ADGRL3: variants seen among roughly 807,000 people sequenced by gnomAD.
The protein encoded by ADGRL3 is adhesion G protein-coupled receptor L3.
A neutral mutation model predicts 153.5 loss-of-function variants in ADGRL3; 62 were observed. The observed-to-expected ratio is 0.40, with a 90% CI of 0.33 to 0.50. ADGRL3 has a LOEUF of 0.50. ADGRL3 is among the 20% of genes least tolerant of loss of function. The pLI is 0.47. For synonymous variants in ADGRL3, 710 were observed against 672.5 expected (o/e 1.06, Z -0.86); for missense variants, 1,641 against 1,859.4 (o/e 0.88, Z 2.16).
chr4:62,025,203 G>T (rs539403719), intron 21 of ADGRL3, among the ~76,000 whole-genome samples: 1 of 151,768 alleles, frequency 6.6e-6, no homozygotes, highest in East Asian at 1.9e-4. Flanking sequence ...TAAACCACTG[G>T]GTAGCAGATC....
Position 61,551,236 on chromosome 4 carries a change from A to T in ADGRL3, c.259+33718A>T, listed in dbSNP as rs543497114. On this transcript the variant is annotated intron_variant, in intron 4 of 26. Transcript: ENST00000683033. ...TACAGTAACTCCTTAAACACTTAAA[A>T]CTTAATTATTTAGCAACCTATTAAA... Among the ~76,000 whole-genome samples the T allele has an allele frequency of 2.6e-5, 4 of 152,198 alleles. No homozygotes were observed. In the East Asian group the frequency reaches 5.8e-4, roughly 22 times the overall value.
intron 3 of ADGRL3, among the ~76,000 whole-genome samples, chr4:61,503,010 G>T (rs972109564): frequency 5.3e-5 from 8 of 152,242 alleles, no homozygotes; most frequent in African/African-American, 1.7e-4. Context: ...GATATATGAG[G>T]TTACTGCTAA....
At chr4:61,475,623 A>C (rs1185321271) in intron 2 of ADGRL3, among the ~76,000 whole-genome samples, 2 of 152,034 alleles carry the variant, frequency 1.3e-5, no homozygotes, top group Non-Finnish European at 2.9e-5. Context: ...AATATATCTT[A>C]CATTTTCTTT....
chr4:61,291,042 TTGG>T (rs1161332814), intron 1 of ADGRL3, among the ~76,000 whole-genome samples: 1 of 151,974 alleles, frequency 6.6e-6, no homozygotes, highest in African/African-American at 2.4e-5. Context: ...AAGTTACAAA[TTGG>T]TGAAGGAAAG....
Position 62,073,608 on chromosome 4 carries a change from A to G in ADGRL3, c.*2700A>G, listed in dbSNP as rs1393106945. The G allele has an allele frequency of 1.3e-5, 2 of 152,244 alleles. No homozygotes were observed. Among genetic ancestry groups the G allele is most frequent in the East Asian group, 1.9e-4 (1 of 5,168 alleles). The allele number at this position is 152,244 out of a possible 1,614,324, so 9.4% of individuals were successfully genotyped here. On this transcript the variant is annotated 3_prime_UTR_variant, in exon 27 of 27. Coordinates refer to ENST00000683033, the MANE Select transcript of ADGRL3 (RefSeq NM_001387552.1). ...ACAGAAAAATGGGGAAACTACCTCA[A>G]TTCAGCTTGCTGATTTTCTGACATT... is the stretch of plus-strand genomic sequence containing the variant.
chr4:61,462,580 T>C, intron 2 of ADGRL3, among the ~76,000 whole-genome samples: 1 of 152,142 alleles, frequency 6.6e-6, no homozygotes. Context: ...ACTAAAGATA[T>C]GATGACTTGA....
intron 11 of ADGRL3, among the ~76,000 whole-genome samples, chr4:61,900,808 T>C (rs1183505049): frequency 6.6e-6 from 1 of 152,198 alleles, no homozygotes; most frequent in African/African-American, 2.4e-5. Context: ...GGAAGATAGA[T>C]ATATGTCTCC....
intron 23 of ADGRL3, among the ~76,000 whole-genome samples, chr4:62,031,956 TA>T (rs1722285663): frequency 7.3e-6 from 1 of 137,758 alleles, no homozygotes; most frequent in South Asian, 2.3e-4. Context: ...GCATGAGTTA[TA>T]CACACACACA....
intron 1 of ADGRL3, among the ~76,000 whole-genome samples, chr4:61,207,658 C>G (rs1399126393): frequency 2.0e-5 from 3 of 152,174 alleles, no homozygotes; most frequent in Admixed American, 2.0e-4. Context: ...AATTTACACT[C>G]CTACCAACAG....
intron 2 of ADGRL3, among the ~76,000 whole-genome samples, chr4:61,446,642 G>C (rs926255828): frequency 1.3e-5 from 2 of 152,086 alleles, no homozygotes; most frequent in Non-Finnish European, 2.9e-5. Flanking sequence ...ATAATATGTT[G>C]GTTGATCATA....
At chr4:61,752,494 C>T (rs1425834008) in intron 8 of ADGRL3, among the ~76,000 whole-genome samples, 1 of 149,368 alleles carries the variant, frequency 6.7e-6, no homozygotes, top group Non-Finnish European at 1.5e-5. Context: ...TCAGATTTCT[C>T]TGTGTTCCTT....
In ADGRL3 at chr4:61,886,998, C is replaced by G. The variant is rs557999972; in HGVS notation, c.1481-5658C>G. On this transcript the variant is annotated intron_variant, in intron 9 of 26. Coordinates refer to ENST00000683033, the MANE Select transcript of ADGRL3 (RefSeq NM_001387552.1). The stretch of plus-strand genomic sequence containing the variant: ...CATCAGTGAGACTATAGACACCCAC[C>G]ACCATGCTCTGGCTAATTTTATTTA... Among the ~76,000 whole-genome samples the G allele has an allele frequency of 2.6e-5, 4 of 151,606 alleles. No individual in the cohort carries two copies. The East Asian group carries it at 7.8e-4, about 29-fold the overall frequency.
At chr4:61,490,203 C>A (rs2098243077) in intron 2 of ADGRL3, among the ~76,000 whole-genome samples, 1 of 152,092 alleles carries the variant, frequency 6.6e-6, no homozygotes, top group Non-Finnish European at 1.5e-5. Flanking sequence ...AATTACCACT[C>A]TCACAGATCT....
Position 61,910,955 on chromosome 4 carries a change from A to AATTATT in ADGRL3, c.2073+1223_2073+1228dup. ...AGGTAAAGTTTTATTATTAGATATA[A>AATTATT]ATTATTATTATTATTATTTTTCATT... On this transcript the variant is annotated intron_variant, in intron 12 of 26. Transcript: ENST00000683033. Among the ~76,000 whole-genome samples, 2 of 151,628 alleles carry AATTATT rather than the reference A, an allele frequency of 1.3e-5. 1 individual carries two copies. Among genetic ancestry groups the AATTATT allele is most frequent in the South Asian group, 4.2e-4 (2 of 4,808 alleles).
chr4:61,964,029 G>A lies in ADGRL3; in HGVS notation c.2806-15534G>A, dbSNP rs548376990. ...CATAGATTATCTCATTTAATCCATA[G>A]CATCACAAAAGGTATTGTCATCACA... On this transcript the variant is annotated intron_variant, in intron 17 of 26. Coordinates refer to ENST00000683033, the MANE Select transcript of ADGRL3 (RefSeq NM_001387552.1). Among the ~76,000 whole-genome samples the A allele has an allele frequency of 2.6e-5, 4 of 152,246 alleles. No homozygotes were observed. In the East Asian group the frequency reaches 5.8e-4, roughly 22 times the overall value.
rs1389970810 is a variant in ADGRL3 at position 62,076,816 on chromosome 4, A to G, written c.*5908A>G. On this transcript the variant is annotated 3_prime_UTR_variant, in exon 27 of 27. Transcript: ENST00000683033. ...CTCTAATCTGCTGGCTCTATTGAACACCAACAGAGTTAATGCTTTTAGTAG... is the reference window on the plus strand; with the variant it reads ...CTCTAATCTGCTGGCTCTATTGAACGCCAACAGAGTTAATGCTTTTAGTAG... 1.3e-5 allele frequency: 2 copies of G among 151,850 alleles called. No individual in the cohort carries two copies. The highest frequency in any genetic ancestry group is 2.9e-5 in the Non-Finnish European group (2 of 67,838). The allele number at this position is 151,850 out of a possible 1,614,324, so 9.4% of individuals were successfully genotyped here.
intron 4 of ADGRL3, among the ~76,000 whole-genome samples, chr4:61,549,146 G>T (rs1426629982): frequency 6.6e-6 from 1 of 151,804 alleles, no homozygotes; most frequent in Non-Finnish European, 1.5e-5. Flanking sequence ...CTTGAATGTT[G>T]GTATATAGGT....
At position 61,262,432 on chromosome 4, in the gene ADGRL3, G is replaced by T. The variant is rs143558654; in HGVS notation, c.-240+60667G>T. 3.7e-3 allele frequency among the ~76,000 whole-genome samples: 560 copies of T among 151,980 alleles called. 5 individuals carry two copies. Among genetic ancestry groups the T allele is most frequent in the Middle Eastern group, 6.8e-3 (2 of 294 alleles). ...ATGGTTTTACCAGAAAAAAATTAAG[G>T]TCGCCATTGTGTTGTTTCTAGATTT... On this transcript the variant is annotated intron_variant, in intron 1 of 26. Coordinates refer to ENST00000683033, the MANE Select transcript of ADGRL3 (RefSeq NM_001387552.1).
chr4:61,447,212 C>A (rs2097594367), intron 2 of ADGRL3, among the ~76,000 whole-genome samples: 2 of 152,108 alleles, frequency 1.3e-5, no homozygotes, highest in South Asian at 2.1e-4. Context: ...TTTTTTACAT[C>A]ATTTTTGTTT....
Sources: allele counts gnomAD v4.1 joint callset (sites outside exome capture counted in the v4.1 genomes callset), GRCh38; gene constraint gnomAD v4.1.1; transcripts MANE v1.5; gene names NCBI Gene and HGNC (gene_info 2026-07-23, HGNC 2026-07-21).